PPM1B: variants seen among roughly 807,000 people sequenced by gnomAD.
The protein encoded by PPM1B is protein phosphatase 1B.
PPM1B carries 22 observed loss-of-function variants against 43.0 expected under a neutral mutation model. The ratio of observed to expected loss-of-function variants is 0.51; its 90% CI spans 0.37 to 0.73. The LOEUF (loss-of-function observed/expected upper bound fraction) is 0.73. PPM1B is among the 30% of genes least tolerant of loss of function. PPM1B has a pLI of 0.00. For synonymous variants in PPM1B, 217 were observed against 197.9 expected (o/e 1.10, Z -0.81); for missense variants, 632 against 584.2 (o/e 1.08, Z -0.84).
intron 5 of PPM1B, chr2:44,244,186 CCAT>C (rs201211652): frequency 1.1e-6 from 1 of 882,428 alleles, no homozygotes; most frequent in South Asian, 3.1e-5. Context: ...AAAAAAAAAA[CCAT>C]ATATATATAT....
intron 5 of PPM1B, among the ~76,000 whole-genome samples, chr2:44,219,430 A>G (rs572297299): frequency 1.2e-3 from 189 of 152,168 alleles, no homozygotes; most frequent in South Asian, 8.5e-3. Flanking sequence ...TGTCATCTCA[A>G]TTGCATTATT....
In PPM1B at chr2:44,172,923, C is replaced by G. The variant is rs574945580; in HGVS notation, c.-15+3649C>G. On this transcript the variant is annotated intron_variant, in intron 1 of 5. Transcript: ENST00000282412. The stretch of plus-strand genomic sequence containing the variant: ...CCACGCCTCTATTTTTTAAAAAATT[C>G]TGATGTGACTTAATCTCTTTGTGTC... Among the ~76,000 whole-genome samples, 10 of 152,316 alleles carry G rather than the reference C, an allele frequency of 6.6e-5. No homozygotes were observed. In the South Asian group the frequency reaches 2.1e-3, roughly 32 times the overall value.
chr2:44,189,387 C>T (rs1230397824), intron 1 of PPM1B, among the ~76,000 whole-genome samples: 1 of 152,170 alleles, frequency 6.6e-6, no homozygotes, highest in African/African-American at 2.4e-5. Flanking sequence ...CATCTGTGAA[C>T]GTACTATGAG....
At chr2:44,224,449 C>T (rs199961130) in intron 5 of PPM1B, among the ~76,000 whole-genome samples, 68 of 114,552 alleles carry the variant, frequency 5.9e-4, no homozygotes, top group Admixed American at 4.6e-3. Context: ...AGCAAGACTC[C>T]GTCTCCAAAA....
chr2:44,200,138 T>C (rs1668865415), intron 1 of PPM1B, among the ~76,000 whole-genome samples: 1 of 152,200 alleles, frequency 6.6e-6, no homozygotes, highest in African/African-American at 2.4e-5. Flanking sequence ...TTATGGTGTT[T>C]ATTGTGTTTT....
chr2:44,218,174 T>A, intron 4 of PPM1B, 96 bp downstream of exon 4: 1 of 915,846 alleles, frequency 1.1e-6, no homozygotes, highest in South Asian at 1.4e-5. Context: ...ATCAATTATC[T>A]AGAGGTGAAA....
intron 2 of PPM1B, among the ~76,000 whole-genome samples, chr2:44,203,389 A>G (rs556550634): frequency 6.6e-6 from 1 of 152,128 alleles, no homozygotes; most frequent in African/African-American, 2.4e-5. Context: ...AAATGAAGCA[A>G]TTCTGACCTG....
chr2:44,179,423 GTGGCTACTATACCAAAC>G (rs1667751739), intron 1 of PPM1B, among the ~76,000 whole-genome samples: 2 of 152,308 alleles, frequency 1.3e-5, no homozygotes, highest in Admixed American at 1.3e-4. Flanking sequence ...CGAGTGGTTA[GTGGCTACTATACCAAAC>G]AGCAAAGCTC....
At chr2:44,177,081 A>G (rs1250735052) in intron 1 of PPM1B, among the ~76,000 whole-genome samples, 1 of 152,178 alleles carries the variant, frequency 6.6e-6, no homozygotes, top group East Asian at 1.9e-4. Flanking sequence ...TGCCCGGCCT[A>G]GTTTCATTTT....
intron 3 of PPM1B, among the ~76,000 whole-genome samples, chr2:44,217,399 C>CA (rs1271175043): frequency 0.083 from 7,469 of 89,778 alleles, 411 homozygotes; most frequent in African/African-American, 0.21. Flanking sequence ...AACTCCGTCT[C>CA]AAAAAAAAAA....
chr2:44,181,455 A>C (rs891985183), intron 1 of PPM1B, among the ~76,000 whole-genome samples: 1 of 152,222 alleles, frequency 6.6e-6, no homozygotes, highest in Non-Finnish European at 1.5e-5. Context: ...AATGAAGCTC[A>C]TGATAATCTG....
intron 1 of PPM1B, among the ~76,000 whole-genome samples, chr2:44,195,840 G>A (rs1668636584): frequency 6.6e-6 from 1 of 152,156 alleles, no homozygotes; most frequent in African/African-American, 2.4e-5. Flanking sequence ...ATACCATGTA[G>A]CTCTGCCTGG....
At chr2:44,200,584 T>C (rs1486276725) in intron 1 of PPM1B, among the ~76,000 whole-genome samples, 1 of 152,182 alleles carries the variant, frequency 6.6e-6, no homozygotes, top group African/African-American at 2.4e-5. Context: ...ATAGTAAAAG[T>C]GATAAAACCA....
intron 3 of PPM1B, among the ~76,000 whole-genome samples, chr2:44,214,079 A>G (rs920150333): frequency 6.6e-6 from 1 of 152,136 alleles, no homozygotes; most frequent in Non-Finnish European, 1.5e-5. Flanking sequence ...AACACCAACC[A>G]TAGAGTTTTT....
intron 3 of PPM1B, among the ~76,000 whole-genome samples, chr2:44,212,637 T>A (rs1403586472): frequency 1.3e-5 from 2 of 152,320 alleles, no homozygotes; most frequent in African/African-American, 2.4e-5. Context: ...TATTTTTTTT[T>A]ATCCTCCATT....
chr2:44,175,410 T>C (rs1667535051), intron 1 of PPM1B, among the ~76,000 whole-genome samples: 1 of 152,222 alleles, frequency 6.6e-6, no homozygotes. Flanking sequence ...AACAGTCTAA[T>C]AGTATTTAGT....
intron 5 of PPM1B, chr2:44,219,098 C>A (rs550971666): frequency 2.3e-5 from 4 of 170,482 alleles, no homozygotes; most frequent in South Asian, 1.3e-4. Flanking sequence ...TATGCCCTTA[C>A]CTTTTATTTT....
intron 5 of PPM1B, among the ~76,000 whole-genome samples, chr2:44,228,921 A>C (rs910694904): frequency 2.0e-5 from 3 of 152,086 alleles, no homozygotes; most frequent in African/African-American, 7.2e-5. Context: ...GGTAGCTCAC[A>C]CCTGTAATCC....
chr2:44,227,518 C>CTT (rs397964846), intron 5 of PPM1B, among the ~76,000 whole-genome samples: 19,916 of 138,846 alleles, frequency 0.14, 1,665 homozygotes, highest in South Asian at 0.24. Context: ...ACAGTATCAT[C>CTT]TTTTTTTTTT....
Sources: gnomAD v4.1 joint callset for allele counts (sites outside exome capture counted in the v4.1 genomes callset) on GRCh38, gnomAD v4.1.1 for gene constraint, MANE v1.5 for transcripts, NCBI Gene and HGNC (gene_info 2026-07-23, HGNC 2026-07-21) for gene names.